Variants in GALNT7 observed in about 807,000 individuals in gnomAD.
The protein encoded by GALNT7 is N-acetylgalactosaminyltransferase 7.
GALNT7 carries 60 observed loss-of-function variants against 82.1 expected under a neutral mutation model. The observed-to-expected ratio is 0.73, with a 90% CI of 0.59 to 0.91. The LOEUF (loss-of-function observed/expected upper bound fraction) is 0.91. GALNT7 is among the 40% of genes least tolerant of loss of function. GALNT7 has a pLI of 0.00. For synonymous variants in GALNT7, 243 were observed against 275.1 expected (o/e 0.88, Z 1.15); for missense variants, 660 against 804.2 (o/e 0.82, Z 2.17).
At chr4:173,226,786 G>A (rs1733844552) in intron 1 of GALNT7, among the ~76,000 whole-genome samples, 1 of 152,134 alleles carries the variant, frequency 6.6e-6, no homozygotes, top group African/African-American at 2.4e-5. Flanking sequence ...CATAAGAAAT[G>A]CCTGATTTTT....
intron 8 of GALNT7, among the ~76,000 whole-genome samples, chr4:173,313,296 C>T (rs11736050): frequency 0.057 from 8,708 of 151,956 alleles, 385 homozygotes; most frequent in African/African-American, 0.12. Context: ...AGGCCAGGCA[C>T]AGTGGCTCAC....
At chr4:173,217,727 C>T (rs571286109) in intron 1 of GALNT7, among the ~76,000 whole-genome samples, 4 of 152,254 alleles carry the variant, frequency 2.6e-5, no homozygotes, top group East Asian at 3.9e-4. Context: ...TAGCCATATG[C>T]GCTTTAAGAC....
intron 9 of GALNT7, among the ~76,000 whole-genome samples, chr4:173,314,869 C>G (rs185044216): frequency 2.6e-4 from 39 of 152,324 alleles, no homozygotes; most frequent in African/African-American, 8.7e-4. Context: ...GTCTACATCC[C>G]TCTGCTTAAT....
intron 8 of GALNT7, among the ~76,000 whole-genome samples, chr4:173,313,441 T>G (rs1372008216): frequency 6.6e-6 from 1 of 151,836 alleles, no homozygotes; most frequent in Non-Finnish European, 1.5e-5. Flanking sequence ...TATAGTGGCA[T>G]GTACCTATAG....
chr4:173,293,845 G>T (rs1050616807), intron 3 of GALNT7, among the ~76,000 whole-genome samples: 10 of 152,196 alleles, frequency 6.6e-5, no homozygotes, highest in African/African-American at 2.4e-4. Flanking sequence ...CTCAGACACT[G>T]CCTGCAGAGG....
At chr4:173,291,349 C>T (rs775307844) in intron 2 of GALNT7, among the ~76,000 whole-genome samples, 1 of 152,206 alleles carries the variant, frequency 6.6e-6, no homozygotes, top group Non-Finnish European at 1.5e-5. Flanking sequence ...ATCTGCTTTT[C>T]CCTACTACTG....
intron 2 of GALNT7, among the ~76,000 whole-genome samples, chr4:173,284,069 AGCAAAAAT>A (rs1434079959): frequency 3.9e-5 from 6 of 152,256 alleles, no homozygotes; most frequent in Non-Finnish European, 7.3e-5. Flanking sequence ...CAGTGTTCAA[AGCAAAAAT>A]CAAAAAGATT....
At chr4:173,184,506 G>T (rs1269755279) in intron 1 of GALNT7, among the ~76,000 whole-genome samples, 2 of 151,816 alleles carry the variant, frequency 1.3e-5, no homozygotes, top group Non-Finnish European at 2.9e-5. Flanking sequence ...GCTGAGGCAG[G>T]AGAATCAGGC....
intron 1 of GALNT7, among the ~76,000 whole-genome samples, chr4:173,224,529 A>G (rs1733741750): frequency 6.6e-6 from 1 of 152,174 alleles, no homozygotes; most frequent in Middle Eastern, 3.2e-3. Flanking sequence ...TCTCTTAATC[A>G]TGAGTTCATG....
chr4:173,251,844 G>A (rs1046787602), intron 2 of GALNT7, among the ~76,000 whole-genome samples: 1 of 152,120 alleles, frequency 6.6e-6, no homozygotes, highest in Non-Finnish European at 1.5e-5. Flanking sequence ...GCCTCTCTTT[G>A]AAATCCTATA....
rs1736538094 is a variant in GALNT7, at chr4:173,291,717, G to A, written c.588-391G>A. On this transcript the variant is annotated intron_variant, in intron 2 of 11. Transcript: ENST00000265000. ...AGCTTTCAAACGCAGTAATATAATG[G>A]TTTATTTAGCAAGTGAAATAAATCT... 2.0e-5 allele frequency among the ~76,000 whole-genome samples: 3 copies of A among 149,010 alleles called. No individual in the cohort carries two copies. The South Asian group carries it at 6.5e-4, about 32-fold the overall frequency.
At chr4:173,273,965 C>G (rs1735815171) in intron 2 of GALNT7, among the ~76,000 whole-genome samples, 1 of 152,198 alleles carries the variant, frequency 6.6e-6, no homozygotes, top group East Asian at 1.9e-4. Context: ...CCTGTTGTTT[C>G]AGCTCAAATA....
chr4:173,241,654 A>G (rs1734437086), intron 1 of GALNT7, among the ~76,000 whole-genome samples: 1 of 152,226 alleles, frequency 6.6e-6, no homozygotes, highest in Admixed American at 6.5e-5. Flanking sequence ...TTTTTGAAAC[A>G]GGGTCATGCT....
At chr4:173,234,500 G>C (rs1734147482) in intron 1 of GALNT7, among the ~76,000 whole-genome samples, 1 of 152,166 alleles carries the variant, frequency 6.6e-6, no homozygotes, top group Non-Finnish European at 1.5e-5. Context: ...ATAGTATCCA[G>C]TTGTATAAGT....
chr4:173,259,827 G>A (rs538429927), intron 2 of GALNT7, among the ~76,000 whole-genome samples: 60 of 152,124 alleles, frequency 3.9e-4, no homozygotes, highest in Admixed American at 3.6e-3. Context: ...TAGCAGAGAC[G>A]GGGTTTTGCC....
chr4:173,315,572 G>A (rs934940434), intron 9 of GALNT7, among the ~76,000 whole-genome samples: 7 of 152,172 alleles, frequency 4.6e-5, no homozygotes, highest in Non-Finnish European at 1.5e-5. Flanking sequence ...AGAAACGCCA[G>A]CATTTAGAGT....
intron 8 of GALNT7, among the ~76,000 whole-genome samples, chr4:173,309,164 C>T (rs561396318): frequency 6.6e-6 from 1 of 151,672 alleles, no homozygotes; most frequent in African/African-American, 2.4e-5. Context: ...TTAAACTGAA[C>T]GGGACTGTTT....
At chr4:173,198,828 G>A (rs1732859623) in intron 1 of GALNT7, among the ~76,000 whole-genome samples, 1 of 152,116 alleles carries the variant, frequency 6.6e-6, no homozygotes, top group South Asian at 2.1e-4. Flanking sequence ...AGATCATGAG[G>A]GATACGTTGA....
chr4:173,243,807 T>C (rs2126730763), intron 1 of GALNT7, among the ~76,000 whole-genome samples: 1 of 152,048 alleles, frequency 6.6e-6, no homozygotes, highest in Admixed American at 6.5e-5. Flanking sequence ...TCTTGGTGAA[T>C]TCATAAGGTA....
Sources: allele counts gnomAD v4.1 joint callset (sites outside exome capture counted in the v4.1 genomes callset), GRCh38; gene constraint gnomAD v4.1.1; transcripts MANE v1.5; gene names NCBI Gene and HGNC (gene_info 2026-07-23, HGNC 2026-07-21).